The following APBB1IP variants were observed in gnomAD, a reference collection of about 807,000 sequenced individuals.
The protein encoded by APBB1IP is amyloid beta A4 precursor protein-binding family B member 1-interacting protein.
A neutral mutation model predicts 64.9 loss-of-function variants in APBB1IP; 27 were observed. The ratio of observed to expected loss-of-function variants is 0.42; its 90% CI spans 0.31 to 0.57. The LOEUF (loss-of-function observed/expected upper bound fraction) is 0.57, where lower values mean the gene tolerates loss of function less well. Ranked by LOEUF, APBB1IP falls within the 20% of genes least tolerant of loss-of-function variation. The pLI is 0.20. For missense variants in APBB1IP, 812 were observed against 845.5 expected, an observed-to-expected ratio of 0.96 and a Z score of 0.49; for synonymous variants, 392 against 331.0, an observed-to-expected ratio of 1.18 and a Z score of -2.00.
chr10:26,444,811 G>A (rs911427058), intron 2 of APBB1IP, among the ~76,000 whole-genome samples: 3 of 152,062 alleles, frequency 2.0e-5, no homozygotes, highest in African/African-American at 7.2e-5. Context: ...TTTAAGAAAT[G>A]GGACATAGGC....
chr10:26,478,970 T>A (rs1835806726), intron 2 of APBB1IP, among the ~76,000 whole-genome samples: 2 of 152,178 alleles, frequency 1.3e-5, no homozygotes, highest in African/African-American at 4.8e-5. Flanking sequence ...AGGGAATATT[T>A]ATTTAGAGCC....
chr10:26,484,759 A>G (rs533004625), intron 2 of APBB1IP, among the ~76,000 whole-genome samples: 2 of 152,344 alleles, frequency 1.3e-5, no homozygotes, highest in South Asian at 2.1e-4. Context: ...AGTGCATCAA[A>G]TAATCCCTTA....
chr10:26,509,509 A>T (rs2132444113), intron 6 of APBB1IP: 1 of 152,340 alleles, frequency 6.6e-6, no homozygotes, highest in African/African-American at 2.4e-5. Flanking sequence ...TTCCATTGCT[A>T]TCAGTAACTC....
intron 2 of APBB1IP, among the ~76,000 whole-genome samples, chr10:26,444,581 A>T (rs1041156728): frequency 1.3e-5 from 2 of 152,210 alleles, no homozygotes; most frequent in African/African-American, 4.8e-5. Context: ...AACTGGAAGG[A>T]TGAAATTGTC....
chr10:26,441,874 A>G (rs1835341430), intron 2 of APBB1IP, among the ~76,000 whole-genome samples: 1 of 152,212 alleles, frequency 6.6e-6, no homozygotes, highest in Admixed American at 6.5e-5. Flanking sequence ...AATAATAATT[A>G]TTATAATGTT....
chr10:26,441,417 C>A (rs1325933974), intron 2 of APBB1IP, among the ~76,000 whole-genome samples: 1 of 152,094 alleles, frequency 6.6e-6, no homozygotes, highest in Non-Finnish European at 1.5e-5. Flanking sequence ...CACCTATACC[C>A]AGTTAAAGAG....
At chr10:26,490,631 A>C (rs1441224106) in intron 2 of APBB1IP, among the ~76,000 whole-genome samples, 4 of 152,210 alleles carry the variant, frequency 2.6e-5, no homozygotes, top group Non-Finnish European at 4.4e-5. Context: ...ATCTCAAAAA[A>C]GAAAAAAAGA....
At chr10:26,440,224 A>C (rs187912036) in intron 2 of APBB1IP, among the ~76,000 whole-genome samples, 1 of 152,308 alleles carries the variant, frequency 6.6e-6, no homozygotes. Flanking sequence ...ATTAACTTGC[A>C]TAACTTCTCC....
chr10:26,544,037 TC>T, intron 11 of APBB1IP, among the ~76,000 whole-genome samples: 1 of 152,224 alleles, frequency 6.6e-6, no homozygotes, highest in South Asian at 2.1e-4. Flanking sequence ...GCAGAGAGAC[TC>T]CCCAGCCAGG....
At chr10:26,474,625 G>T (rs546030366) in intron 2 of APBB1IP, among the ~76,000 whole-genome samples, 2 of 152,294 alleles carry the variant, frequency 1.3e-5, no homozygotes, top group East Asian at 1.9e-4. Context: ...GTATCTGTTG[G>T]TTTAAAAAAT....
intron 2 of APBB1IP, among the ~76,000 whole-genome samples, chr10:26,472,872 G>A (rs1166580049): frequency 6.6e-6 from 1 of 151,694 alleles, no homozygotes; most frequent in African/African-American, 2.4e-5. Flanking sequence ...GGGAGGCAGA[G>A]GTTGCAGTGA....
At chr10:26,515,083 G>A (rs557107782) in intron 8 of APBB1IP, among the ~76,000 whole-genome samples, 31 of 143,630 alleles carry the variant, frequency 2.2e-4, no homozygotes, top group South Asian at 4.3e-4. Context: ...GGGTTTCACC[G>A]TGTTGGCCAG....
Position 26,567,297 on chromosome 10 carries a change from C to CCGCCGT in APBB1IP, c.1815_1816insTCGCCG (p.Pro605_Pro606insSerPro), listed in dbSNP as rs1261125385. On this transcript the variant is annotated inframe_insertion, in exon 15 of 15. Transcript: ENST00000376236. ...CTCAGAGCTGCCCCCGCCGCCGCCG[C>CCGCCGT]CGCCGCCCGCGCCCGCGCCCGCCCC... The CCGCCGT allele has an allele frequency of 4.6e-6, 5 of 1,091,282 alleles. No individual in the cohort carries two copies. The highest frequency in any genetic ancestry group is 3.4e-5 in the African/African-American group (2 of 58,348). 67.6% of individuals were successfully genotyped at this position (1,091,282 alleles called of 1,614,324 possible).
chr10:26,439,446 A>T (rs1408892182), intron 2 of APBB1IP, among the ~76,000 whole-genome samples: 1 of 152,196 alleles, frequency 6.6e-6, no homozygotes, highest in Non-Finnish European at 1.5e-5. Flanking sequence ...ATAAAGATAG[A>T]TTTGGACACC....
At chr10:26,472,706 G>A (rs530605605) in intron 2 of APBB1IP, among the ~76,000 whole-genome samples, 1 of 152,222 alleles carries the variant, frequency 6.6e-6, no homozygotes, top group Admixed American at 6.5e-5. Context: ...GGAGGCCAAG[G>A]CCGGCAGATC....
At chr10:26,527,799 T>C (rs1415117687) in intron 8 of APBB1IP, among the ~76,000 whole-genome samples, 1 of 151,170 alleles carries the variant, frequency 6.6e-6, no homozygotes, top group African/African-American at 2.4e-5. Flanking sequence ...TTCAAGCGAT[T>C]CTGCTGCCTC....
rs1355182293 is a variant in APBB1IP, at chr10:26,442,305, A to T, written c.-1+3452A>T. On this transcript the variant is annotated intron_variant, in intron 2 of 14. Coordinates refer to ENST00000376236, the MANE Select transcript of APBB1IP (RefSeq NM_019043.4). Reference sequence around the variant, plus strand: ...TCTTTACGTGTGCCTTGAAAAAAGAATCTGCTTTGTTAGCAATCGTGTGTT... The same window carrying T: ...TCTTTACGTGTGCCTTGAAAAAAGATTCTGCTTTGTTAGCAATCGTGTGTT... 3.3e-5 allele frequency among the ~76,000 whole-genome samples: 5 copies of T among 152,260 alleles called. 1 individual carries two copies. In the East Asian group the frequency reaches 9.6e-4, roughly 29 times the overall value.
chr10:26,483,252 G>A (rs1835857236), intron 2 of APBB1IP, among the ~76,000 whole-genome samples: 1 of 152,100 alleles, frequency 6.6e-6, no homozygotes, highest in Non-Finnish European at 1.5e-5. Flanking sequence ...CCAGAAATTT[G>A]TTTAAGCCTC....
chr10:26,516,656 T>TCTCGCACTCA (rs1836335064), intron 8 of APBB1IP, among the ~76,000 whole-genome samples: 1 of 151,398 alleles, frequency 6.6e-6, no homozygotes, highest in Non-Finnish European at 1.5e-5. Flanking sequence ...AGTGAATGGC[T>TCTCGCACTCA]GTATTCCTCT....
Sources: gnomAD v4.1 joint callset for allele counts (sites outside exome capture counted in the v4.1 genomes callset) on GRCh38, gnomAD v4.1.1 for gene constraint, MANE v1.5 for transcripts, NCBI Gene and HGNC (gene_info 2026-07-23, HGNC 2026-07-21) for gene names.